The following TRAP1 variants were observed in gnomAD, a reference collection of about 807,000 sequenced individuals.
TRAP1 encodes TNF receptor associated protein 1, also known as heat shock protein 75 kDa, mitochondrial.
Under a neutral mutation model 89.1 loss-of-function variants are expected in TRAP1, and 102 were observed. That is an observed-to-expected ratio of 1.15 (90% CI 0.98 to 1.35). The LOEUF is 1.35. Among genes scored for constraint, TRAP1 ranks in the 40% most tolerant of loss-of-function variants. TRAP1 has a pLI of 0.00. For synonymous variants in TRAP1, 508 were observed against 388.0 expected (o/e 1.31, Z -3.64); for missense variants, 1,256 against 945.3 (o/e 1.33, Z -4.31).
At position 3,658,814 on chromosome 16, in the gene TRAP1, C is replaced by A; in HGVS notation, c.1992G>T (p.Leu664=). 6.2e-7 allele frequency: 1 copy of A among 1,613,874 alleles called. No individual in the cohort carries two copies. Among genetic ancestry groups the A allele is most frequent in the South Asian group, 1.1e-5 (1 of 91,050 alleles). Residue 664 remains leucine (L), a synonymous_variant, in exon 17 of 18, where the codon CTG becomes CTT. Transcript: ENST00000246957. ...LNQLRASEPG[L]AQLLVDQIYE... ...TCACCTGATCCACCAGCAGCTGAGC[C>A]AGGCCAGGCTCGCTTGCGCGCAGCT... is the stretch of plus-strand genomic sequence containing the variant.
At chr16:3,658,747 GCTGGTAGC>G in intron 17 of TRAP1, 38 bp downstream of exon 17, 1 of 1,572,056 alleles carries the variant, frequency 6.4e-7, no homozygotes, top group Non-Finnish European at 8.7e-7. Context: ...GGCTGGCAGG[GCTGGTAGC>G]CTGGGTCCCT....
chr16:3,716,132 C>G (rs1001990403), intron 1 of TRAP1, among the ~76,000 whole-genome samples: 1 of 152,184 alleles, frequency 6.6e-6, no homozygotes, highest in East Asian at 1.9e-4. Flanking sequence ...GGATTACAGG[C>G]GTGAGCCACC....
chr16:3,681,428 G>C (rs1473564813), intron 4 of TRAP1, among the ~76,000 whole-genome samples: 1 of 152,204 alleles, frequency 6.6e-6, no homozygotes, highest in Non-Finnish European at 1.5e-5. Flanking sequence ...AGCACAGGCA[G>C]AATGGGTGCC....
At chr16:3,690,168 G>T (rs2051194103) in intron 2 of TRAP1, among the ~76,000 whole-genome samples, 1 of 152,008 alleles carries the variant, frequency 6.6e-6, no homozygotes, top group Admixed American at 6.6e-5. Context: ...TACCATGCCT[G>T]GCTAACTTTT....
chr16:3,678,101 C>T (rs765025997), intron 5 of TRAP1: 6 of 165,492 alleles, frequency 3.6e-5, no homozygotes, highest in South Asian at 1.6e-4. Flanking sequence ...CACGCGCATG[C>T]GTCTGTAAGC....
At chr16:3,688,598 C>G (rs959265468) in intron 3 of TRAP1, among the ~76,000 whole-genome samples, 1 of 152,088 alleles carries the variant, frequency 6.6e-6, no homozygotes, top group African/African-American at 2.4e-5. Context: ...TCCTCCCACC[C>G]CAGCCTCCTG....
At chr16:3,702,826 T>G (rs1042250634) in intron 1 of TRAP1, among the ~76,000 whole-genome samples, 1 of 151,564 alleles carries the variant, frequency 6.6e-6, no homozygotes, top group Non-Finnish European at 1.5e-5. Flanking sequence ...GCGGATCACC[T>G]GAGGTTGGGA....
intron 15 of TRAP1, 91 bp downstream of exon 15, chr16:3,662,791 A>C: frequency 8.1e-7 from 1 of 1,230,764 alleles, no homozygotes; most frequent in Non-Finnish European, 1.2e-6. Flanking sequence ...CTGGAAGGAC[A>C]CCCAACGGGC....
At chr16:3,659,767 A>AGAT (rs1350795857) in intron 16 of TRAP1, 1 of 151,484 alleles carries the variant, frequency 6.6e-6, no homozygotes, top group East Asian at 2.0e-4. Flanking sequence ...ATAGATAGAT[A>AGAT]GATAGATAGA....
At position 3,658,794 on chromosome 16, in the gene TRAP1, T is replaced by A; in HGVS notation, c.2012A>T (p.Gln671Leu). Reference sequence around the variant, plus strand: ...GTCATCCTAAGCTGCTGCACTCACCTGATCCACCAGCAGCTGAGCCAGGCC... The same window carrying A: ...GTCATCCTAAGCTGCTGCACTCACCAGATCCACCAGCAGCTGAGCCAGGCC... ...EPGLAQLLVD[Q>L]IYENAMIAAG... is the part of the protein sequence containing the mutation. Residue 671 changes from glutamine to leucine, a missense_variant and splice_region_variant, in exon 17 of 18, where the codon CAG (glutamine) becomes CTG (leucine). Coordinates refer to ENST00000246957, the MANE Select transcript of TRAP1 (RefSeq NM_016292.3). 6.2e-7 allele frequency: 1 copy of A among 1,613,606 alleles called. No individual in the cohort carries two copies. The highest frequency in any genetic ancestry group is 8.5e-7 in the Non-Finnish European group (1 of 1,179,872).
chr16:3,663,413 G>A lies in TRAP1; in HGVS notation c.1708+11C>T, dbSNP rs780601496. ...AACCAGCCCCACGCCTAGAGAGCAGGGGATGCCGACCTGGGGACCTGTCCT... is the reference window on the plus strand; with the variant it reads ...AACCAGCCCCACGCCTAGAGAGCAGAGGATGCCGACCTGGGGACCTGTCCT... On this transcript the variant is annotated intron_variant, in intron 14 of 17. Coordinates refer to ENST00000246957, the MANE Select transcript of TRAP1 (RefSeq NM_016292.3). The A allele has an allele frequency of 7.4e-6, 12 of 1,613,920 alleles. No homozygotes were observed. In the South Asian group the frequency reaches 1.1e-4, roughly 15 times the overall value.
At chr16:3,667,225 G>A (rs1181317156) in intron 11 of TRAP1, among the ~76,000 whole-genome samples, 4 of 152,144 alleles carry the variant, frequency 2.6e-5, no homozygotes, top group Non-Finnish European at 2.9e-5. Flanking sequence ...CCAGCCCACC[G>A]TGAAGAGTCA....
chr16:3,662,830 C>A, intron 15 of TRAP1, 52 bp downstream of exon 15: 1 of 1,580,496 alleles, frequency 6.3e-7, no homozygotes, highest in East Asian at 2.2e-5. Flanking sequence ...AGCTGGCCAG[C>A]CTGTTAGGGA....
chr16:3,673,852 C>T (rs2050949889), intron 9 of TRAP1, among the ~76,000 whole-genome samples: 1 of 131,930 alleles, frequency 7.6e-6, no homozygotes, highest in Admixed American at 7.6e-5. Context: ...GGAGGAAGCA[C>T]ACAGAGAGGC....
At chr16:3,714,964 A>G (rs2051578278) in intron 1 of TRAP1, among the ~76,000 whole-genome samples, 1 of 152,304 alleles carries the variant, frequency 6.6e-6, no homozygotes, top group South Asian at 2.1e-4. Flanking sequence ...AAATTCTCTC[A>G]TCGTTCAATC....
rs151275962 is a variant in TRAP1, at chr16:3,658,400, G to A, written c.2014-170C>T. 5.2e-4 allele frequency: 331 copies of A among 636,430 alleles called. 1 individual carries two copies. The highest frequency in any genetic ancestry group is 4.9e-3 in the African/African-American group (269 of 54,400). 39.4% of individuals were successfully genotyped at this position (636,430 alleles called of 1,614,324 possible). A position where few individuals can be genotyped will look rare whatever the true frequency, so the allele number is the denominator to read the frequency against. On this transcript the variant is annotated intron_variant, in intron 17 of 17. Coordinates refer to ENST00000246957, the MANE Select transcript of TRAP1 (RefSeq NM_016292.3). ...CTCCCAAAGTGCTGGGATTACAGGC[G>A]TGAGCCACCACGCCTGGCCATTTTT...
Position 3,671,780 on chromosome 16 carries a change from T to G in TRAP1, c.1177A>C (p.Ser393Arg). ...CTGAGGTTCAGGGGAATGTCCTCAC[T>G]GTCCACCACACCTGGGAGACACGGC... is the stretch of plus-strand genomic sequence containing the variant. ...WLRFIRGVVD[S>R]EDIPLNLSRE... Residue 393 changes from serine (S) to arginine (R), a missense_variant, in exon 11 of 18, where the codon AGT becomes CGT. Coordinates refer to ENST00000246957, the MANE Select transcript of TRAP1 (RefSeq NM_016292.3). The G allele has an allele frequency of 6.2e-7, 1 of 1,612,796 alleles. No individual in the cohort carries two copies. The highest frequency in any genetic ancestry group is 1.3e-5 in the African/African-American group (1 of 74,832).
chr16:3,688,922 G>T (rs1263472293), intron 3 of TRAP1, 133 bp downstream of exon 3: 1 of 730,168 alleles, frequency 1.4e-6, no homozygotes, highest in Non-Finnish European at 2.2e-6. Flanking sequence ...GGTAGCTTAA[G>T]ATGAGGACCT....
chr16:3,674,600 G>A (rs751465415), intron 8 of TRAP1, 106 bp from the exon 9 acceptor site: 1 of 1,384,068 alleles, frequency 7.2e-7, no homozygotes, highest in Middle Eastern at 2.3e-4. Context: ...ACAGGCTCCT[G>A]GGACAGACGG....
Sources: allele counts gnomAD v4.1 joint callset (sites outside exome capture counted in the v4.1 genomes callset), GRCh38; gene constraint gnomAD v4.1.1; transcripts MANE v1.5; gene names NCBI Gene and HGNC (gene_info 2026-07-23, HGNC 2026-07-21).